Variants in ADCY8 observed in about 807,000 individuals in gnomAD.
The protein encoded by ADCY8 is adenylate cyclase type 8.
ADCY8 carries 51 observed loss-of-function variants against 119.7 expected under a neutral mutation model. The observed-to-expected ratio is 0.43, with a 90% CI of 0.34 to 0.54. ADCY8 has a LOEUF of 0.54. Ranked by LOEUF, ADCY8 falls within the 20% of genes least tolerant of loss-of-function variation. ADCY8 has a pLI of 0.03. For synonymous variants in ADCY8, 665 were observed against 651.0 expected, an observed-to-expected ratio of 1.02 and a Z score of -0.33; for missense variants, 1,383 against 1,598.8, an observed-to-expected ratio of 0.87 and a Z score of 2.30.
intron 7 of ADCY8, among the ~76,000 whole-genome samples, chr8:130,896,010 A>T (rs1207008559): frequency 6.6e-6 from 1 of 151,390 alleles, no homozygotes; most frequent in East Asian, 2.0e-4. Flanking sequence ...TTGAGCAAAG[A>T]AACTCAGGCT....
At chr8:131,022,261 T>C (rs1823694295) in intron 1 of ADCY8, among the ~76,000 whole-genome samples, 2 of 152,174 alleles carry the variant, frequency 1.3e-5, no homozygotes, top group Admixed American at 6.5e-5. Flanking sequence ...CTTCTAAAGC[T>C]ATCCCTCCCC....
chr8:130,997,624 G>A (rs1264395792), intron 1 of ADCY8, among the ~76,000 whole-genome samples: 1 of 152,038 alleles, frequency 6.6e-6, no homozygotes, highest in African/African-American at 2.4e-5. Context: ...GCCAGTAACT[G>A]ACCTCACAAA....
At chr8:130,955,457 AT>A (rs1485254582) in intron 2 of ADCY8, among the ~76,000 whole-genome samples, 4 of 152,058 alleles carry the variant, frequency 2.6e-5, no homozygotes. Flanking sequence ...TCCAAGCCCC[AT>A]TTTCAGAAAT....
rs528441428 is a variant in ADCY8, at chr8:130,921,715, A to G, written c.1482-11849T>C. Among the ~76,000 whole-genome samples, 3 of 152,206 alleles carry G rather than the reference A, an allele frequency of 2.0e-5. No homozygotes were observed. In the South Asian group the frequency reaches 6.2e-4, roughly 32 times the overall value. ...TGATCTGCCTGCCTTGGCCTCCCAA[A>G]GTGCTGGGATTACAGGTGTGAGCCA... On this transcript the variant is annotated intron_variant, in intron 5 of 17. Transcript: ENST00000286355.
At position 131,039,798 on chromosome 8, in the gene ADCY8, C is replaced by T; in HGVS notation, c.536G>A (p.Arg179His). ...CACGTTCATCACCACTTCCGATTTGCGCCTTTGGCCCAAGAAATAGCGCTG... is the reference window on the plus strand; with the variant it reads ...CACGTTCATCACCACTTCCGATTTGTGCCTTTGGCCCAAGAAATAGCGCTG... ...LYQRYFLGQR[R>H]KSEVVMNVLD... Residue 179 changes from arginine (R) to histidine (H), a missense_variant, in exon 1 of 18, where the codon CGC becomes CAC. This residue lies in a region of ADCY8 where 455 missense variants were observed against 435.3 expected (regional missense o/e 1.05). Coordinates refer to ENST00000286355, the MANE Select transcript of ADCY8 (RefSeq NM_001115.3). 1 of 1,614,216 alleles carries T rather than the reference C, an allele frequency of 6.2e-7. No individual in the cohort carries two copies. The highest frequency in any genetic ancestry group is 8.5e-7 in the Non-Finnish European group (1 of 1,180,050).
At chr8:130,836,051 T>C (rs984836470) in intron 12 of ADCY8, among the ~76,000 whole-genome samples, 8 of 152,196 alleles carry the variant, frequency 5.3e-5, no homozygotes, top group African/African-American at 1.9e-4. Flanking sequence ...TGAGCTACTA[T>C]TCAGTCCAAA....
At chr8:130,968,658 AAGT>A (rs1439703762) in intron 2 of ADCY8, among the ~76,000 whole-genome samples, 4 of 152,178 alleles carry the variant, frequency 2.6e-5, no homozygotes, top group South Asian at 2.1e-4. Context: ...GTTTAACCTT[AAGT>A]AATGCTTAGG....
chr8:130,876,858 C>T (rs566396960), intron 8 of ADCY8, among the ~76,000 whole-genome samples: 1 of 152,150 alleles, frequency 6.6e-6, no homozygotes, highest in African/African-American at 2.4e-5. Context: ...GAATTTCAAA[C>T]TATATGAAAA....
At chr8:131,033,928 G>A (rs900752399) in intron 1 of ADCY8, among the ~76,000 whole-genome samples, 4 of 151,902 alleles carry the variant, frequency 2.6e-5, no homozygotes, top group Admixed American at 6.6e-5. Context: ...CACTCAAATC[G>A]GCTTTTGAAA....
At chr8:130,830,645 C>T (rs1273841634) in intron 12 of ADCY8, among the ~76,000 whole-genome samples, 1 of 152,156 alleles carries the variant, frequency 6.6e-6, no homozygotes, top group Non-Finnish European at 1.5e-5. Context: ...CCTTGGGTAT[C>T]TACCCCAGAC....
intron 1 of ADCY8, among the ~76,000 whole-genome samples, chr8:130,992,094 T>G (rs1015333085): frequency 3.3e-5 from 5 of 150,210 alleles, no homozygotes; most frequent in Non-Finnish European, 7.4e-5. Context: ...TTTATATACT[T>G]TTTTGAATGG....
intron 2 of ADCY8, among the ~76,000 whole-genome samples, chr8:130,953,842 T>A (rs1821346214): frequency 6.6e-6 from 1 of 152,240 alleles, no homozygotes; most frequent in Non-Finnish European, 1.5e-5. Flanking sequence ...TGACATATGA[T>A]GAAGCCCTTT....
chr8:131,013,813 A>T (rs1165365478), intron 1 of ADCY8, among the ~76,000 whole-genome samples: 1 of 152,220 alleles, frequency 6.6e-6, no homozygotes, highest in African/African-American at 2.4e-5. Context: ...TTCAGGGTTG[A>T]TAAAGTACAG....
intron 4 of ADCY8, among the ~76,000 whole-genome samples, chr8:130,937,404 G>A (rs1820820030): frequency 6.6e-6 from 1 of 152,190 alleles, no homozygotes; most frequent in South Asian, 2.1e-4. Flanking sequence ...GAGGTGGAAT[G>A]GAATCATAAA....
chr8:130,997,600 G>A (rs1822819666), intron 1 of ADCY8, among the ~76,000 whole-genome samples: 1 of 152,094 alleles, frequency 6.6e-6, no homozygotes, highest in Non-Finnish European at 1.5e-5. Flanking sequence ...TCCAGATAGA[G>A]TCTCCTGATA....
At chr8:130,867,363 C>A (rs1818163832) in intron 9 of ADCY8, among the ~76,000 whole-genome samples, 1 of 152,172 alleles carries the variant, frequency 6.6e-6, no homozygotes, top group South Asian at 2.1e-4. Context: ...TGAGGATAAT[C>A]ATGGCACCTA....
chr8:130,903,554 AG>A (rs1445875145), intron 7 of ADCY8, among the ~76,000 whole-genome samples: 1 of 145,558 alleles, frequency 6.9e-6, no homozygotes, highest in Non-Finnish European at 1.5e-5. Context: ...AGAGAGAGAG[AG>A]GGTGTTAGGA....
chr8:130,941,570 G>T (rs1820957229), intron 4 of ADCY8, among the ~76,000 whole-genome samples: 1 of 152,082 alleles, frequency 6.6e-6, no homozygotes, highest in African/African-American at 2.4e-5. Context: ...AAAAGGAAAT[G>T]GTATACATGT....
chr8:131,022,901 A>G (rs1474245340), intron 1 of ADCY8, among the ~76,000 whole-genome samples: 1 of 152,166 alleles, frequency 6.6e-6, no homozygotes, highest in Non-Finnish European at 1.5e-5. Context: ...AGGAATATGA[A>G]TTACTAAATG....
Sources: gnomAD v4.1 joint callset for allele counts (sites outside exome capture counted in the v4.1 genomes callset) on GRCh38, gnomAD v4.1.1 for gene constraint, gnomAD v4.1.1 regional missense constraint, MANE v1.5 for transcripts, NCBI Gene and HGNC (gene_info 2026-07-23, HGNC 2026-07-21) for gene names.